Variants in TPD52L1 observed in about 807,000 individuals in gnomAD.
The protein encoded by TPD52L1 is TPD52 like 1.
Under a neutral mutation model 28.7 loss-of-function variants are expected in TPD52L1, and 18 were observed. The ratio of observed to expected loss-of-function variants is 0.63; its 90% confidence interval spans 0.43 to 0.93. The LOEUF (loss-of-function observed/expected upper bound fraction) is 0.93, where lower values mean the gene tolerates loss of function less well. Ranked by LOEUF, TPD52L1 falls within the 40% of genes least tolerant of loss-of-function variation. The pLI is 0.00. For missense variants in TPD52L1, 203 were observed against 254.8 expected, an observed-to-expected ratio of 0.80 and a Z score of 1.39; for synonymous variants, 75 against 88.8, an observed-to-expected ratio of 0.84 and a Z score of 0.88.
At chr6:125,257,198 C>T (rs772606600) in intron 6 of TPD52L1, 40 bp downstream of exon 6, 10 of 1,561,446 alleles carry the variant, frequency 6.4e-6, no homozygotes, top group Non-Finnish European at 7.9e-6. Context: ...GGTCCATTGA[C>T]TCAGGACAGC....
At chr6:125,161,303 C>T (rs1790509239) in intron 1 of TPD52L1, among the ~76,000 whole-genome samples, 1 of 152,198 alleles carries the variant, frequency 6.6e-6, no homozygotes, top group Admixed American at 6.5e-5. Context: ...AATGTTGTGG[C>T]TGGTTTGATC....
chr6:125,175,999 A>G (rs980071106), intron 1 of TPD52L1, among the ~76,000 whole-genome samples: 14 of 152,202 alleles, frequency 9.2e-5, no homozygotes, highest in African/African-American at 3.1e-4. Context: ...ATACTAGAAG[A>G]GATGAAAGGG....
chr6:125,245,593 T>C (rs73771299), intron 3 of TPD52L1, among the ~76,000 whole-genome samples: 2,306 of 152,206 alleles, frequency 0.015, 51 homozygotes, highest in African/African-American at 0.053. Context: ...CTGCAGCCAC[T>C]GTGGGGGTTG....
intron 2 of TPD52L1, among the ~76,000 whole-genome samples, chr6:125,228,878 C>T (rs1795776143): frequency 6.6e-6 from 1 of 151,784 alleles, no homozygotes; most frequent in Non-Finnish European, 1.5e-5. Context: ...TTTTTCTGTA[C>T]AATCTCACTT....
intron 6 of TPD52L1, chr6:125,259,928 A>C (rs1286286634): frequency 6.6e-6 from 1 of 152,234 alleles, no homozygotes; most frequent in Non-Finnish European, 1.5e-5. Flanking sequence ...TCCTTACCTA[A>C]GATATTGCAG....
intron 1 of TPD52L1, among the ~76,000 whole-genome samples, chr6:125,185,562 T>C (rs1792544969): frequency 6.6e-6 from 1 of 151,756 alleles, no homozygotes. Flanking sequence ...CTGAACTATC[T>C]AGAAAACAAT....
chr6:125,183,238 G>T (rs1582877767), intron 1 of TPD52L1, among the ~76,000 whole-genome samples: 1 of 152,264 alleles, frequency 6.6e-6, no homozygotes, highest in South Asian at 2.1e-4. Context: ...AGCATTTTGG[G>T]AAGCCGAGGT....
chr6:125,170,747 C>T (rs1446576153), intron 1 of TPD52L1, among the ~76,000 whole-genome samples: 1 of 152,078 alleles, frequency 6.6e-6, no homozygotes, highest in Non-Finnish European at 1.5e-5. Flanking sequence ...GGGTAAAATT[C>T]TGACCCTTCT....
intron 1 of TPD52L1, among the ~76,000 whole-genome samples, chr6:125,213,688 G>A (rs1794666365): frequency 6.6e-6 from 1 of 152,116 alleles, no homozygotes; most frequent in African/African-American, 2.4e-5. Flanking sequence ...AGAGTGAGTT[G>A]GAGAATTAAA....
chr6:125,192,673 A>G (rs72975404), intron 1 of TPD52L1, among the ~76,000 whole-genome samples: 2,909 of 152,332 alleles, frequency 0.019, 39 homozygotes, highest in Middle Eastern at 0.037. Context: ...AATAAGAACC[A>G]AGAAAGAAAA....
intron 3 of TPD52L1, among the ~76,000 whole-genome samples, chr6:125,239,372 T>TCACAGTTC (rs558224744): frequency 3.9e-5 from 6 of 152,172 alleles, no homozygotes; most frequent in Non-Finnish European, 8.8e-5. Flanking sequence ...TTTAATGGAT[T>TCACAGTTC]CACAGTTCCA....
At chr6:125,185,838 A>T (rs935271271) in intron 1 of TPD52L1, among the ~76,000 whole-genome samples, 1 of 151,972 alleles carries the variant, frequency 6.6e-6, no homozygotes, top group Non-Finnish European at 1.5e-5. Flanking sequence ...CATAACCAAA[A>T]TATTGAAGAA....
At chr6:125,155,722 A>G (rs1341362623) in intron 1 of TPD52L1, among the ~76,000 whole-genome samples, 2 of 152,210 alleles carry the variant, frequency 1.3e-5, no homozygotes, top group Non-Finnish European at 2.9e-5. Flanking sequence ...CTGAAAAACT[A>G]TAACCCTAGT....
intron 1 of TPD52L1, among the ~76,000 whole-genome samples, chr6:125,206,277 A>G (rs1794129991): frequency 6.6e-6 from 1 of 152,216 alleles, no homozygotes; most frequent in Admixed American, 6.5e-5. Context: ...CCATAACTAT[A>G]GTAATAGGTA....
chr6:125,183,983 T>G (rs141239719), intron 1 of TPD52L1, among the ~76,000 whole-genome samples: 76 of 152,232 alleles, frequency 5.0e-4, no homozygotes, highest in Non-Finnish European at 5.9e-5. Flanking sequence ...TATGGGGAGA[T>G]AGGGAGAGCA....
At chr6:125,226,490 T>A (rs1343927762) in intron 2 of TPD52L1, among the ~76,000 whole-genome samples, 2 of 152,174 alleles carry the variant, frequency 1.3e-5, no homozygotes, top group South Asian at 4.2e-4. Context: ...AAATGAATAA[T>A]CCACAGCCCC....
intron 1 of TPD52L1, among the ~76,000 whole-genome samples, chr6:125,201,470 ATT>A (rs1239736755): frequency 2.0e-5 from 3 of 152,166 alleles, no homozygotes; most frequent in Non-Finnish European, 4.4e-5. Flanking sequence ...ACCAACAATG[ATT>A]TATACTCTCT....
chr6:125,238,521 C>T (rs1796418979), intron 3 of TPD52L1, among the ~76,000 whole-genome samples: 1 of 151,904 alleles, frequency 6.6e-6, no homozygotes, highest in Non-Finnish European at 1.5e-5. Context: ...ACCCTTTCCC[C>T]CGAGTCCCCA....
At chr6:125,211,495 G>A (rs530467089) in intron 1 of TPD52L1, among the ~76,000 whole-genome samples, 4 of 152,314 alleles carry the variant, frequency 2.6e-5, no homozygotes, top group African/African-American at 9.6e-5. Context: ...AAATGTGCCC[G>A]AATGTTGCAG....
Sources: gnomAD v4.1 joint callset for allele counts (sites outside exome capture counted in the v4.1 genomes callset) on GRCh38, gnomAD v4.1.1 for gene constraint, MANE v1.5 for transcripts, NCBI Gene and HGNC (gene_info 2026-07-23, HGNC 2026-07-21) for gene names.